MYLK: variants seen among roughly 807,000 people sequenced by gnomAD.
MYLK encodes myosin light chain kinase, also known as myosin light chain kinase, smooth muscle.
Under a neutral mutation model 203.4 loss-of-function variants are expected in MYLK, and 106 were observed. The ratio of observed to expected loss-of-function variants is 0.52; its 90% CI spans 0.45 to 0.61. The LOEUF (loss-of-function observed/expected upper bound fraction) is 0.61. Among genes scored for constraint, MYLK ranks in the 20% least tolerant of loss-of-function variants. The probability of loss-of-function intolerance (pLI) is 0.00; values close to 1 mark genes in which losing one functional copy is unlikely to be tolerated. For synonymous variants in MYLK, 867 were observed against 959.5 expected (o/e 0.90, Z 1.78); for missense variants, 2,072 against 2,442.3 (o/e 0.85, Z 3.20).
intron 29 of MYLK, among the ~76,000 whole-genome samples, chr3:123,634,436 G>C (rs1369392738): frequency 6.6e-6 from 1 of 152,176 alleles, no homozygotes; most frequent in African/African-American, 2.4e-5. Context: ...AGCTGACTGG[G>C]CAGCTGTCAC....
rs182999197 is a variant in MYLK, at chr3:123,677,275, C to G, written c.3652+4949G>C. Among the ~76,000 whole-genome samples, 341 of 152,312 alleles carry G rather than the reference C, an allele frequency of 2.2e-3. 2 individuals carry two copies. The highest frequency in any genetic ancestry group is 4.1e-3 in the Non-Finnish European group (280 of 68,030). ...GTCAGAGTTGGGAAAGGCCTGAGGT[C>G]AGCTGGAGAAACTCCCCATCTGACT... On this transcript the variant is annotated intron_variant, in intron 20 of 33. Coordinates refer to ENST00000360304, the MANE Select transcript of MYLK (RefSeq NM_053025.4).
At chr3:123,824,202 G>T (rs2109313450) in intron 3 of MYLK, among the ~76,000 whole-genome samples, 1 of 151,768 alleles carries the variant, frequency 6.6e-6, no homozygotes, top group East Asian at 1.9e-4. Context: ...TGATTCTCCT[G>T]CCTCAGCCTC....
intron 32 of MYLK, 85 bp downstream of exon 32, chr3:123,620,122 A>T: frequency 8.0e-7 from 1 of 1,255,266 alleles, no homozygotes; most frequent in Non-Finnish European, 1.2e-6. Context: ...AAAAAAAAAG[A>T]ACAAAACCAA....
At chr3:123,643,260 T>C (rs2058896545) in intron 27 of MYLK, among the ~76,000 whole-genome samples, 1 of 152,202 alleles carries the variant, frequency 6.6e-6, no homozygotes, top group Non-Finnish European at 1.5e-5. Flanking sequence ...TCTAGACCCT[T>C]ATTTGCCTCC....
intron 12 of MYLK, among the ~76,000 whole-genome samples, chr3:123,725,405 C>CA (rs941438606): frequency 7.3e-5 from 11 of 151,486 alleles, no homozygotes; most frequent in African/African-American, 2.2e-4. Context: ...CCTTACTTGA[C>CA]AAAAAAAAGA....
intron 3 of MYLK, among the ~76,000 whole-genome samples, chr3:123,807,852 C>T (rs2065424856): frequency 6.6e-6 from 1 of 152,256 alleles, no homozygotes; most frequent in Non-Finnish European, 1.5e-5. Flanking sequence ...TGGGCACAAG[C>T]CCAGACCCCA....
At chr3:123,776,121 G>T (rs576060889) in intron 4 of MYLK, among the ~76,000 whole-genome samples, 1 of 152,162 alleles carries the variant, frequency 6.6e-6, no homozygotes, top group Admixed American at 6.5e-5. Context: ...GCTGGTCCCC[G>T]TGTGGCAGCA....
chr3:123,667,115 A>G, intron 21 of MYLK, 22 bp downstream of exon 21: 1 of 1,612,728 alleles, frequency 6.2e-7, no homozygotes, highest in Non-Finnish European at 8.5e-7. Flanking sequence ...CTTTGACCCC[A>G]GATAGTGCCG....
chr3:123,744,751 C>A (rs946552668), intron 5 of MYLK, among the ~76,000 whole-genome samples: 2 of 152,056 alleles, frequency 1.3e-5, no homozygotes, highest in African/African-American at 4.8e-5. Context: ...AAACAGCAGT[C>A]ATCTCCAAAA....
At chr3:123,838,766 T>C (rs1352620787) in intron 2 of MYLK, among the ~76,000 whole-genome samples, 1 of 152,162 alleles carries the variant, frequency 6.6e-6, no homozygotes, top group Non-Finnish European at 1.5e-5. Flanking sequence ...AAAAGAAGTA[T>C]AATGATAAGC....
At chr3:123,875,762 G>T (rs2033111478) in intron 2 of MYLK, among the ~76,000 whole-genome samples, 1 of 152,118 alleles carries the variant, frequency 6.6e-6, no homozygotes, top group African/African-American at 2.4e-5. Context: ...CTGATCATTT[G>T]TCAAACAATG....
At chr3:123,699,622 T>C (rs1372527522) in intron 18 of MYLK, among the ~76,000 whole-genome samples, 1 of 152,268 alleles carries the variant, frequency 6.6e-6, no homozygotes, top group Non-Finnish European at 1.5e-5. Flanking sequence ...CCAGCCTCTG[T>C]GTCCCCCACC....
chr3:123,666,416 T>C (rs1227345604), intron 21 of MYLK, 70 bp from the exon 22 acceptor site: 19 of 1,605,138 alleles, frequency 1.2e-5, no homozygotes, highest in Non-Finnish European at 1.5e-5. Context: ...TTCGACGCCA[T>C]TGTCCACAGT....
At position 123,853,419 on chromosome 3, in the gene MYLK, A is replaced by G. The variant is rs368851932; in HGVS notation, c.-126-21749T>C. On this transcript the variant is annotated intron_variant, in intron 2 of 33. Transcript: ENST00000360304. The stretch of plus-strand genomic sequence containing the variant: ...GAGTCAAGAGCCTTGGAGAACAACA[A>G]ACTGGGAAGACACCCCAGAGAGCAG... Among the ~76,000 whole-genome samples the G allele has an allele frequency of 3.9e-5, 6 of 152,286 alleles. No individual in the cohort carries two copies. The East Asian group carries it at 9.6e-4, about 24-fold the overall frequency.
chr3:123,733,949 G>T lies in MYLK; in HGVS notation c.1047C>A (p.Ala349=). ...CTCTTGGTTCCGGCTGAACTCTTGC[G>T]GCCTGCAGGGTGATGGAGCTGGAAG... ...QKTSSSITLQ[A]ARVQPEPRAP... Residue 349 remains alanine (A), a synonymous_variant, in exon 10 of 34, where the codon GCC becomes GCA. Coordinates refer to ENST00000360304, the MANE Select transcript of MYLK (RefSeq NM_053025.4). The T allele has an allele frequency of 1.2e-6, 2 of 1,614,166 alleles. No individual in the cohort carries two copies. Among genetic ancestry groups the T allele is most frequent in the South Asian group, 2.2e-5 (2 of 91,068 alleles).
At chr3:123,847,183 A>T (rs1057368987) in intron 2 of MYLK, among the ~76,000 whole-genome samples, 1 of 152,166 alleles carries the variant, frequency 6.6e-6, no homozygotes, top group African/African-American at 2.4e-5. Context: ...TCTAAAGATG[A>T]TTTACAGTAT....
chr3:123,680,000 G>A (rs1306561482), intron 20 of MYLK, among the ~76,000 whole-genome samples: 1 of 152,194 alleles, frequency 6.6e-6, no homozygotes, highest in African/African-American at 2.4e-5. Context: ...CCTGGAGCTT[G>A]AACAAATACT....
chr3:123,820,652 T>TTCCTTCCC lies in MYLK; in HGVS notation c.-4+10895_-4+10896insGGGAAGGA, dbSNP rs1553857380. ...CTTCCTTCCTTCCTTCCCTCCTTCC[T>TTCCTTCCC]TCCTTCCTTCCCTCCTTCCTTCCTT... On this transcript the variant is annotated intron_variant, in intron 3 of 33. Coordinates refer to ENST00000360304, the MANE Select transcript of MYLK (RefSeq NM_053025.4). Among the ~76,000 whole-genome samples, 34 of 113,920 alleles carry TTCCTTCCC rather than the reference T, an allele frequency of 3.0e-4. 1 individual carries two copies. The East Asian group carries it at 5.8e-3, about 19-fold the overall frequency. 74.7% of individuals were successfully genotyped at this position (113,920 alleles called of 152,430 possible).
Position 123,733,895 on chromosome 3 carries a change from A to T in MYLK, c.1101T>A (p.Ser367=). The T allele has an allele frequency of 6.2e-7, 1 of 1,614,118 alleles. No individual in the cohort carries two copies. The highest frequency in any genetic ancestry group is 8.5e-7 in the Non-Finnish European group (1 of 1,180,032). Residue 367 remains serine, a synonymous_variant, in exon 10 of 34, where the codon TCT becomes TCA. Transcript: ENST00000360304. Reference sequence around the variant, plus strand: ...GAGCTGGCCTCTTCCTCTCTTCTCCAGAAGGTGATAGGACCCCCAGGCCTG... The same window carrying T: ...GAGCTGGCCTCTTCCTCTCTTCTCCTGAAGGTGATAGGACCCCCAGGCCTG... ...RAPGLGVLSP[S]GEERKRPAPP...
Sources: allele counts gnomAD v4.1 joint callset (sites outside exome capture counted in the v4.1 genomes callset), GRCh38; gene constraint gnomAD v4.1.1; transcripts MANE v1.5; gene names NCBI Gene and HGNC (gene_info 2026-07-23, HGNC 2026-07-21).